MBD2: variants seen among roughly 807,000 people sequenced by gnomAD.
The protein encoded by MBD2 is methyl-CpG-binding domain protein 2.
A neutral mutation model predicts 39.3 loss-of-function variants in MBD2; 9 were observed. The observed-to-expected ratio is 0.23, with a 90% CI of 0.14 to 0.40. The LOEUF is 0.40. Ranked by LOEUF, MBD2 falls within the 10% of genes least tolerant of loss-of-function variation. MBD2 has a pLI of 1.00. For missense variants in MBD2, 458 were observed against 532.6 expected, an observed-to-expected ratio of 0.86 and a Z score of 1.38; for synonymous variants, 233 against 211.1, an observed-to-expected ratio of 1.10 and a Z score of -0.90.
At chr18:54,193,262 T>C (rs2086336348) in intron 2 of MBD2, among the ~76,000 whole-genome samples, 1 of 152,206 alleles carries the variant, frequency 6.6e-6, no homozygotes, top group South Asian at 2.1e-4. Context: ...AGACACTTTT[T>C]TATGGGACAA....
At chr18:54,197,304 A>G (rs546265730) in intron 2 of MBD2, among the ~76,000 whole-genome samples, 20 of 152,300 alleles carry the variant, frequency 1.3e-4, no homozygotes, top group South Asian at 1.2e-3. Context: ...ACAGCATTCT[A>G]TACTATTCCT....
intron 1 of MBD2, among the ~76,000 whole-genome samples, chr18:54,206,946 T>C (rs547292985): frequency 6.6e-6 from 1 of 152,282 alleles, no homozygotes; most frequent in African/African-American, 2.4e-5. Context: ...CAAAACCTGA[T>C]CTTCTATATT....
At chr18:54,172,017 A>C (rs1375142352) in intron 3 of MBD2, among the ~76,000 whole-genome samples, 1 of 152,250 alleles carries the variant, frequency 6.6e-6, no homozygotes, top group South Asian at 2.1e-4. Flanking sequence ...TACTCATGCC[A>C]TCAAAGGCTG....
At chr18:54,168,561 A>C (rs1680899603) in intron 3 of MBD2, among the ~76,000 whole-genome samples, 1 of 139,742 alleles carries the variant, frequency 7.2e-6, no homozygotes, top group African/African-American at 2.7e-5. Context: ...TATGCCATGA[A>C]AATGGAGATA....
At chr18:54,195,220 TA>T (rs1217227661) in intron 2 of MBD2, among the ~76,000 whole-genome samples, 1 of 152,088 alleles carries the variant, frequency 6.6e-6, no homozygotes, top group Non-Finnish European at 1.5e-5. Context: ...TACTATATTG[TA>T]AATACCACTT....
intron 3 of MBD2, among the ~76,000 whole-genome samples, chr18:54,166,428 C>A (rs893365921): frequency 6.6e-6 from 1 of 152,052 alleles, no homozygotes; most frequent in Non-Finnish European, 1.5e-5. Context: ...ATGCTGTATA[C>A]TATGTATAGT....
intron 3 of MBD2, among the ~76,000 whole-genome samples, chr18:54,166,906 C>A (rs1471477651): frequency 6.6e-6 from 1 of 152,134 alleles, no homozygotes; most frequent in Admixed American, 6.5e-5. Context: ...ATTTTATATC[C>A]TTTTCATATT....
Position 54,224,216 on chromosome 18 carries a change from C to CCAA in MBD2, c.343_344insTTG (p.Gly114_Gly115insVal). ...CCGGGGGGCGCCGCCGCCACCGCTG[C>CCAA]CGCCGCCGCCGCAGCCGCCGCCGTC... On this transcript the variant is annotated inframe_insertion, in exon 1 of 7. Coordinates refer to ENST00000256429, the MANE Select transcript of MBD2 (RefSeq NM_003927.5). 1 of 1,086,316 alleles carries CCAA rather than the reference C, an allele frequency of 9.2e-7. No homozygotes were observed. The highest frequency in any genetic ancestry group is 1.1e-6 in the Non-Finnish European group (1 of 891,576). The allele number at this position is 1,086,316 out of a possible 1,614,324, so 67.3% of individuals were successfully genotyped here.
At chr18:54,223,991 AC>A (rs1477755283) in intron 1 of MBD2, 26 bp downstream of exon 1, 63 of 480,558 alleles carry the variant, frequency 1.3e-4, no homozygotes, top group Non-Finnish European at 2.1e-4. Flanking sequence ...TGACCCCGCC[AC>A]CCCCTCCCCG....
chr18:54,195,652 G>A (rs1240495000), intron 2 of MBD2, among the ~76,000 whole-genome samples: 2 of 151,764 alleles, frequency 1.3e-5, no homozygotes, highest in African/African-American at 4.8e-5. Flanking sequence ...GTTGATCATT[G>A]AACAAAACTG....
At chr18:54,210,995 C>G (rs1176400386) in intron 1 of MBD2, among the ~76,000 whole-genome samples, 3 of 149,472 alleles carry the variant, frequency 2.0e-5, no homozygotes, top group Non-Finnish European at 4.5e-5. Context: ...CCTCAGCCTC[C>G]CAAGTAGCTG....
intron 5 of MBD2, among the ~76,000 whole-genome samples, chr18:54,162,546 T>G (rs1332254675): frequency 6.6e-6 from 1 of 152,244 alleles, no homozygotes; most frequent in Non-Finnish European, 1.5e-5. Context: ...GGCTTTGAGA[T>G]AGTTTCCTCA....
At chr18:54,202,273 G>A (rs1252593617) in intron 2 of MBD2, among the ~76,000 whole-genome samples, 1 of 150,734 alleles carries the variant, frequency 6.6e-6, no homozygotes, top group African/African-American at 2.4e-5. Context: ...GAACTTGGGA[G>A]GCCAACATCA....
At position 54,164,666 on chromosome 18, in the gene MBD2, T is replaced by A; in HGVS notation, c.966A>T (p.Leu322Phe). ...TGTGCAAAGCACTGGCAACAGCAGA[T>A]AAAAGGGTCTCATCATTGCTACCTG... The part of the protein sequence containing the change: ...VGPGSNDETL[L>F]SAVASALHTS... Residue 322 changes from leucine (L) to phenylalanine (F), a missense_variant, in exon 5 of 7, where the codon TTA (leucine) becomes TTT (phenylalanine). Leu to Phe is a conservative substitution (Grantham distance 22). Coordinates refer to ENST00000256429, the MANE Select transcript of MBD2 (RefSeq NM_003927.5). 2 of 1,613,028 alleles carry A rather than the reference T, an allele frequency of 1.2e-6. No individual in the cohort carries two copies. Among genetic ancestry groups the A allele is most frequent in the Admixed American group, 1.7e-5 (1 of 60,004 alleles).
chr18:54,189,215 T>C (rs893238412), intron 2 of MBD2, among the ~76,000 whole-genome samples: 45 of 149,538 alleles, frequency 3.0e-4, no homozygotes, highest in Non-Finnish European at 5.8e-4. Context: ...TGAAAAACTT[T>C]TTGTATACTT....
intron 3 of MBD2, among the ~76,000 whole-genome samples, chr18:54,168,950 A>G (rs964340007): frequency 6.6e-6 from 1 of 152,008 alleles, no homozygotes; most frequent in Non-Finnish European, 1.5e-5. Context: ...GACGAGGGCA[A>G]GGATTCTTTG....
At chr18:54,169,958 C>T (rs1390209450) in intron 3 of MBD2, among the ~76,000 whole-genome samples, 1 of 152,206 alleles carries the variant, frequency 6.6e-6, no homozygotes, top group East Asian at 1.9e-4. Flanking sequence ...CTCCACATGC[C>T]TATCACCTTA....
intron 2 of MBD2, among the ~76,000 whole-genome samples, chr18:54,195,001 T>C (rs759056395): frequency 2.6e-4 from 39 of 152,082 alleles, no homozygotes; most frequent in Non-Finnish European, 5.2e-4. Context: ...AAGTATGCTG[T>C]TCTGTAAAAT....
intron 1 of MBD2, among the ~76,000 whole-genome samples, chr18:54,210,895 A>G (rs993976161): frequency 3.7e-5 from 5 of 133,418 alleles, no homozygotes; most frequent in Non-Finnish European, 6.2e-5. Context: ...TTTTTGAGAC[A>G]GAGTCTCGCT....
Sources: gnomAD v4.1 joint callset for allele counts (sites outside exome capture counted in the v4.1 genomes callset) on GRCh38, gnomAD v4.1.1 for gene constraint, MANE v1.5 for transcripts, NCBI Gene and HGNC (gene_info 2026-07-23, HGNC 2026-07-21) for gene names.